The following NTM variants were observed in gnomAD, a reference collection of about 807,000 sequenced individuals.
NTM encodes the protein neurotrimin.
NTM carries 13 observed loss-of-function variants against 42.1 expected under a neutral mutation model. The ratio of observed to expected loss-of-function variants is 0.31; its 90% confidence interval spans 0.20 to 0.49. The LOEUF is 0.49. Among genes scored for constraint, NTM ranks in the 20% least tolerant of loss-of-function variants. The pLI is 0.99. For missense variants in NTM, 373 were observed against 452.8 expected (o/e 0.82, Z 1.60); for synonymous variants, 187 against 179.2 (o/e 1.04, Z -0.35).
chr11:131,672,049 G>A (rs1221559236), intron 1 of NTM, among the ~76,000 whole-genome samples: 2 of 152,332 alleles, frequency 1.3e-5, no homozygotes, highest in East Asian at 1.9e-4. Context: ...CTCTCCACGT[G>A]CACATCCCTT....
chr11:132,228,413 C>A (rs1169960149), intron 4 of NTM, among the ~76,000 whole-genome samples: 2 of 152,152 alleles, frequency 1.3e-5, no homozygotes, highest in Non-Finnish European at 2.9e-5. Flanking sequence ...CCCATCTAAT[C>A]TTGGCTTCCA....
chr11:132,156,279 C>A (rs1218794882), intron 3 of NTM, among the ~76,000 whole-genome samples: 1 of 152,182 alleles, frequency 6.6e-6, no homozygotes, highest in African/African-American at 2.4e-5. Context: ...TATTTTCATT[C>A]TAGTGTATTT....
chr11:131,508,912 C>T (rs1591874244), intron 1 of NTM, among the ~76,000 whole-genome samples: 1 of 149,156 alleles, frequency 6.7e-6, no homozygotes, highest in East Asian at 2.0e-4. Context: ...GGAGGGATAG[C>T]ACTGGGAGAT....
At chr11:131,704,993 G>A (rs925701289) in intron 1 of NTM, among the ~76,000 whole-genome samples, 3 of 152,066 alleles carry the variant, frequency 2.0e-5, no homozygotes, top group South Asian at 2.1e-4. Context: ...CACAATCAAG[G>A]AACCAATATA....
At chr11:131,820,901 A>G (rs1592085841) in intron 1 of NTM, among the ~76,000 whole-genome samples, 2 of 152,106 alleles carry the variant, frequency 1.3e-5, no homozygotes, top group East Asian at 3.9e-4. Context: ...CGCGGCCACT[A>G]TGAGTATTTG....
In NTM at chr11:131,443,356, G is replaced by A. The variant is rs187674410; in HGVS notation, c.82+72468G>A. 1.1e-3 allele frequency among the ~76,000 whole-genome samples: 164 copies of A among 152,304 alleles called. 2 individuals carry two copies. The highest frequency in any genetic ancestry group is 9.1e-3 in the Admixed American group (139 of 15,300). ...TTCCATTTCAAGCTAGAATGCCTGGGTGTATGGTTGTATCATATTTGGAGA... is the reference window on the plus strand; with the variant it reads ...TTCCATTTCAAGCTAGAATGCCTGGATGTATGGTTGTATCATATTTGGAGA... On this transcript the variant is annotated intron_variant, in intron 1 of 8. Coordinates refer to ENST00000683400, the MANE Select transcript of NTM (RefSeq NM_001352005.2).
chr11:131,476,017 A>G (rs1952898128), intron 1 of NTM, among the ~76,000 whole-genome samples: 1 of 152,110 alleles, frequency 6.6e-6, no homozygotes. Context: ...TTGTGGAAGG[A>G]AGGAAGGAGT....
intron 1 of NTM, among the ~76,000 whole-genome samples, chr11:131,674,555 C>T (rs1371885172): frequency 1.3e-5 from 2 of 152,148 alleles, no homozygotes; most frequent in Admixed American, 6.5e-5. Flanking sequence ...GTCGGGCAAG[C>T]GAACTCTTTG....
intron 4 of NTM, among the ~76,000 whole-genome samples, chr11:132,252,411 C>T (rs4937684): frequency 1.3e-5 from 2 of 151,948 alleles, no homozygotes; most frequent in Admixed American, 1.3e-4. Context: ...TACTGTTCAG[C>T]CACCCATTTT....
At chr11:131,806,987 A>G (rs1346016603) in intron 1 of NTM, among the ~76,000 whole-genome samples, 6 of 152,200 alleles carry the variant, frequency 3.9e-5, no homozygotes, top group Non-Finnish European at 8.8e-5. Flanking sequence ...TGGAGTCATG[A>G]TGCTGGATTA....
At chr11:131,964,701 C>T (rs2062612474) in intron 2 of NTM, among the ~76,000 whole-genome samples, 1 of 152,146 alleles carries the variant, frequency 6.6e-6, no homozygotes. Context: ...TGGCCATCAT[C>T]GTCAGCCTCC....
At chr11:132,245,884 C>T (rs1307024165) in intron 4 of NTM, among the ~76,000 whole-genome samples, 2 of 152,090 alleles carry the variant, frequency 1.3e-5, no homozygotes, top group Non-Finnish European at 2.9e-5. Flanking sequence ...CAGAGAGACT[C>T]GGGGAGCCAA....
chr11:132,221,582 T>G (rs1384367194), intron 4 of NTM, among the ~76,000 whole-genome samples: 1 of 152,200 alleles, frequency 6.6e-6, no homozygotes, highest in South Asian at 2.1e-4. Flanking sequence ...CATCACCTAG[T>G]TCATGCCCCA....
At chr11:131,962,037 A>G (rs770213460) in intron 2 of NTM, among the ~76,000 whole-genome samples, 3 of 152,000 alleles carry the variant, frequency 2.0e-5, no homozygotes, top group Non-Finnish European at 4.4e-5. Context: ...TTGTTGTGTC[A>G]TCTCTGTGAG....
chr11:132,253,713 A>G (rs540585527), intron 4 of NTM, among the ~76,000 whole-genome samples: 31 of 152,286 alleles, frequency 2.0e-4, no homozygotes, highest in Non-Finnish European at 4.3e-4. Flanking sequence ...TCCAGTCCAG[A>G]GTTACTTATA....
intron 1 of NTM, among the ~76,000 whole-genome samples, chr11:131,681,895 G>A (rs993659865): frequency 7.3e-5 from 11 of 150,466 alleles, no homozygotes; most frequent in South Asian, 4.3e-4. Context: ...GTCTCCTTGC[G>A]TGTGTCTGTG....
chr11:131,569,334 C>T (rs528026050), intron 1 of NTM, among the ~76,000 whole-genome samples: 8 of 150,308 alleles, frequency 5.3e-5, no homozygotes, highest in African/African-American at 1.5e-4. Context: ...TTAGTAGAGA[C>T]AGGGTTTAAC....
intron 1 of NTM, among the ~76,000 whole-genome samples, chr11:131,848,931 G>T (rs570102717): frequency 6.6e-6 from 1 of 152,296 alleles, no homozygotes; most frequent in African/African-American, 2.4e-5. Context: ...CCAGAAAAGG[G>T]TATCGTAAAT....
chr11:131,512,817 A>T (rs2048425028), intron 1 of NTM, among the ~76,000 whole-genome samples: 1 of 152,034 alleles, frequency 6.6e-6, no homozygotes, highest in Non-Finnish European at 1.5e-5. Context: ...AGACCCCCAG[A>T]CACCTGTGTG....
Sources: gnomAD v4.1 joint callset for allele counts (sites outside exome capture counted in the v4.1 genomes callset) on GRCh38, gnomAD v4.1.1 for gene constraint, MANE v1.5 for transcripts, NCBI Gene and HGNC (gene_info 2026-07-23, HGNC 2026-07-21) for gene names.